The following FBLN7 variants were observed in gnomAD, a reference collection of about 807,000 sequenced individuals.
FBLN7 encodes the protein fibulin 7, also known as fibulin-7.
FBLN7 carries 31 observed loss-of-function variants against 44.0 expected under a neutral mutation model. The ratio of observed to expected loss-of-function variants is 0.70; its 90% confidence interval spans 0.53 to 0.95. FBLN7 has a LOEUF of 0.95. Ranked by LOEUF, FBLN7 falls within the 40% of genes least tolerant of loss-of-function variation. The pLI is 0.00. For synonymous variants in FBLN7, 262 were observed against 253.4 expected (o/e 1.03, Z -0.32); for missense variants, 573 against 618.5 (o/e 0.93, Z 0.78).
the FBLN7 span, among the ~76,000 whole-genome samples, chr2:112,218,780 GAA>G: frequency 6.6e-6 from 1 of 152,118 alleles, no homozygotes; most frequent in Non-Finnish European, 1.5e-5. Context: ...TTTGAGGAGT[GAA>G]AAGTTATATG....
chr2:112,153,825 G>A (rs186854370), intron 1 of FBLN7, among the ~76,000 whole-genome samples: 1 of 152,290 alleles, frequency 6.6e-6, no homozygotes, highest in Admixed American at 6.5e-5. Flanking sequence ...CCGTGGACCC[G>A]CCGGAGTAAA....
chr2:112,211,108 C>T, the FBLN7 span, among the ~76,000 whole-genome samples: 1 of 152,348 alleles, frequency 6.6e-6, no homozygotes, highest in East Asian at 1.9e-4. Context: ...CAGTTTACTT[C>T]TTCAAGGCTA....
At chr2:112,143,840 C>T (rs1415653979) in intron 1 of FBLN7, among the ~76,000 whole-genome samples, 4 of 152,256 alleles carry the variant, frequency 2.6e-5, no homozygotes, top group East Asian at 1.9e-4. Context: ...ATCTCAGCCT[C>T]GTAAAGTGCT....
rs34870326 is a variant in FBLN7, at chr2:112,165,011, G to A, written c.246G>A (p.Pro82=). The part of the protein sequence containing the change: ...VGPDALPVSC[P]ALNTPADGRK... ...CATCTCTCCTTACAGTTTCCTGCCC[G>A]GCTCTGAACACCCCCGCAGACGGCA... The change falls in exon 3 of 8, where the codon CCG becomes CCA. Residue 82 remains proline (P), a synonymous_variant. Coordinates refer to ENST00000331203, the MANE Select transcript of FBLN7 (RefSeq NM_153214.3). The A allele has an allele frequency of 2.6e-3, 4,230 of 1,614,006 alleles. 11 individuals are homozygous for A. The highest frequency in any genetic ancestry group is 4.7e-3 in the South Asian group (432 of 91,060).
chr2:112,142,890 G>A (rs1174360288), intron 1 of FBLN7, among the ~76,000 whole-genome samples: 1 of 151,944 alleles, frequency 6.6e-6, no homozygotes, highest in Non-Finnish European at 1.5e-5. Context: ...TATGTGTGAT[G>A]GTAAGTGTAT....
At chr2:112,209,463 T>C in the FBLN7 span, among the ~76,000 whole-genome samples, 2 of 152,166 alleles carry the variant, frequency 1.3e-5, no homozygotes, top group African/African-American at 2.4e-5. Context: ...TAGGCTTACT[T>C]TGACAATTAG....
chr2:112,182,679 C>T, intron 5 of FBLN7, 112 bp from the exon 6 acceptor site: 2 of 1,392,678 alleles, frequency 1.4e-6, no homozygotes, highest in African/African-American at 1.5e-5. Flanking sequence ...GGCCCAGCCA[C>T]TTAACTGCAG....
At chr2:112,191,160 G>T (rs1683475518), downstream of FBLN7, among the ~76,000 whole-genome samples, 1 of 151,888 alleles carries the variant, frequency 6.6e-6, no homozygotes, top group African/African-American at 2.4e-5. Context: ...TTTTTTTGTA[G>T]TGTTTTCGTT....
chr2:112,157,045 A>T (rs1681466484), intron 1 of FBLN7, among the ~76,000 whole-genome samples: 1 of 152,218 alleles, frequency 6.6e-6, no homozygotes, highest in African/African-American at 2.4e-5. Context: ...TTATAAAACC[A>T]ATACTCAGTA....
At chr2:112,209,559 A>G in the FBLN7 span, among the ~76,000 whole-genome samples, 2 of 152,216 alleles carry the variant, frequency 1.3e-5, no homozygotes, top group African/African-American at 4.8e-5. Flanking sequence ...AGAGTGAGAA[A>G]GGGGAGACAG....
rs1343303819 is a variant in FBLN7 at position 112,160,745 on chromosome 2, C to T, written c.235+910C>T. Reference sequence around the variant, plus strand: ...GCGCACACGCACGCACACGCACACACGCGCACGCACACACGCACGCACACG... The same window carrying T: ...GCGCACACGCACGCACACGCACACATGCGCACGCACACACGCACGCACACG... On this transcript the variant is annotated intron_variant, in intron 2 of 7. Transcript: ENST00000331203. Among the ~76,000 whole-genome samples the T allele has an allele frequency of 9.7e-4, 93 of 95,548 alleles. 1 individual carries two copies. The highest frequency in any genetic ancestry group is 3.9e-3 in the African/African-American group (85 of 21,958). 62.7% of individuals were successfully genotyped at this position (95,548 alleles called of 152,430 possible).
chr2:112,190,914 C>T (rs138106581), downstream of FBLN7, among the ~76,000 whole-genome samples: 134 of 152,254 alleles, frequency 8.8e-4, 4 homozygotes, highest in East Asian at 0.02. Flanking sequence ...AGATAAAACA[C>T]TACATGAGTT....
chr2:112,145,628 G>C (rs1680866681), intron 1 of FBLN7, among the ~76,000 whole-genome samples: 1 of 151,982 alleles, frequency 6.6e-6, no homozygotes. Context: ...AGCACTCTTG[G>C]CCTAACCTCA....
the FBLN7 span, among the ~76,000 whole-genome samples, chr2:112,226,262 G>T: frequency 6.6e-6 from 1 of 151,060 alleles, no homozygotes; most frequent in Non-Finnish European, 1.5e-5. Context: ...CTTATAACAA[G>T]GACAGAAATT....
At chr2:112,234,123 A>G in the FBLN7 span, 1 of 1,550,240 alleles carries the variant, frequency 6.5e-7, no homozygotes, top group Non-Finnish European at 8.8e-7. Context: ...TTTATACCTT[A>G]ATACATTTCC....
chr2:112,156,784 C>G (rs975643881), intron 1 of FBLN7, among the ~76,000 whole-genome samples: 2 of 152,352 alleles, frequency 1.3e-5, no homozygotes, highest in East Asian at 3.9e-4. Context: ...CCAGGGGCAA[C>G]TGGGGATTCA....
At chr2:112,173,940 G>A (rs1682604738) in intron 3 of FBLN7, among the ~76,000 whole-genome samples, 3 of 152,228 alleles carry the variant, frequency 2.0e-5, no homozygotes, top group Admixed American at 2.0e-4. Context: ...GTACGGTCCT[G>A]GGACAGCTGT....
the FBLN7 span, among the ~76,000 whole-genome samples, chr2:112,204,477 G>GC: frequency 1.5e-4 from 22 of 151,472 alleles, no homozygotes; most frequent in East Asian, 4.3e-3. Flanking sequence ...AGAATTCCAA[G>GC]CAGGATAAAG....
At chr2:112,183,461 G>A (rs1289980864) in intron 6 of FBLN7, among the ~76,000 whole-genome samples, 3 of 152,190 alleles carry the variant, frequency 2.0e-5, no homozygotes, top group African/African-American at 7.2e-5. Flanking sequence ...AGAGTCGGGG[G>A]CATCACTACC....
Sources: allele counts gnomAD v4.1 joint callset (sites outside exome capture counted in the v4.1 genomes callset), GRCh38; gene constraint gnomAD v4.1.1; transcripts MANE v1.5; gene names NCBI Gene and HGNC (gene_info 2026-07-23, HGNC 2026-07-21).